AKAP6: variants seen among roughly 807,000 people sequenced by gnomAD.
AKAP6 encodes the protein A-kinase anchoring protein 6, also known as A-kinase anchor protein 6.
In AKAP6, 58 loss-of-function variants were observed where a neutral mutation model predicts 188.5. The ratio of observed to expected loss-of-function variants is 0.31; its 90% CI spans 0.25 to 0.38. The LOEUF (loss-of-function observed/expected upper bound fraction) is 0.38. Ranked by LOEUF, AKAP6 falls within the 10% of genes least tolerant of loss-of-function variation. The pLI is 1.00. For missense variants in AKAP6, 2,710 were observed against 2,740.0 expected (o/e 0.99, Z 0.24); for synonymous variants, 989 against 998.6 (o/e 0.99, Z 0.18).
chr14:32,829,620 A>T (rs993110180), intron 13 of AKAP6, among the ~76,000 whole-genome samples: 2 of 151,690 alleles, frequency 1.3e-5, no homozygotes, highest in African/African-American at 2.4e-5. Flanking sequence ...GTCTTTTTAA[A>T]AAAAAAAAAA....
Position 32,546,172 on chromosome 14 carries a change from C to T in AKAP6, c.1519C>T (p.Pro507Ser). 1.9e-6 allele frequency: 3 copies of T among 1,614,018 alleles called. No homozygotes were observed. Among genetic ancestry groups the T allele is most frequent in the Non-Finnish European group, 1.7e-6 (2 of 1,180,014 alleles). The change falls in exon 4 of 14, where the codon CCA (proline) becomes TCA (serine). Residue 507 changes from proline (P) to serine (S), a missense_variant. Coordinates refer to ENST00000280979, the MANE Select transcript of AKAP6 (RefSeq NM_004274.5). ...ACACAAGACCTCAGAAGAGGTGCCTCCATGCCGAACACCTAAACGGGGGAC... is the reference window on the plus strand; with the variant it reads ...ACACAAGACCTCAGAAGAGGTGCCTTCATGCCGAACACCTAAACGGGGGAC... ...KPHKTSEEVPPCRTPKRGTGS... is the reference protein window; with the variant it reads ...KPHKTSEEVPSCRTPKRGTGS...
Position 32,546,496 on chromosome 14 carries a change from A to C in AKAP6, c.1843A>C (p.Thr615Pro). 6.2e-7 allele frequency: 1 copy of C among 1,614,210 alleles called. No homozygotes were observed. The highest frequency in any genetic ancestry group is 8.5e-7 in the Non-Finnish European group (1 of 1,180,034). Residue 615 changes from threonine (T) to proline (P), a missense_variant, in exon 4 of 14, where the codon ACT becomes CCT. Physicochemically the swap from Thr to Pro is conservative, Grantham distance 38. Coordinates refer to ENST00000280979, the MANE Select transcript of AKAP6 (RefSeq NM_004274.5). ...KGQASSPSHV[T>P]RNGEVVEAWY... ...TCAAGCCTCCTCTCCAAGTCACGTC[A>C]CTAGGAATGGTGAGGTTGTGGAGGC...
At chr14:32,693,086 G>A (rs1176576572) in intron 8 of AKAP6, among the ~76,000 whole-genome samples, 1 of 152,106 alleles carries the variant, frequency 6.6e-6, no homozygotes, top group Non-Finnish European at 1.5e-5. Context: ...TTGTAATTCT[G>A]GGGTGCAGTG....
intron 1 of AKAP6, among the ~76,000 whole-genome samples, chr14:32,361,053 C>CACATATATATATATATATATATAT (rs1887644022): frequency 8.9e-6 from 1 of 111,878 alleles, no homozygotes; most frequent in Non-Finnish European, 1.8e-5. Flanking sequence ...AAGGCCTGAA[C>CACATATATATATATATATATATAT]ATACATATAT....
At chr14:32,536,002 C>A (rs1882657675) in intron 3 of AKAP6, among the ~76,000 whole-genome samples, 197 bp downstream of exon 3, 1 of 152,230 alleles carries the variant, frequency 6.6e-6, no homozygotes, top group Admixed American at 6.5e-5. Flanking sequence ...TAGCTCATAC[C>A]TGGTAATTTG....
At chr14:32,468,221 C>T (rs907980567) in intron 2 of AKAP6, among the ~76,000 whole-genome samples, 1 of 152,124 alleles carries the variant, frequency 6.6e-6, no homozygotes, top group African/African-American at 2.4e-5. Flanking sequence ...ACAGTAGGTA[C>T]TCTGTTAATA....
At chr14:32,483,673 G>A (rs558844856) in intron 2 of AKAP6, among the ~76,000 whole-genome samples, 11 of 151,964 alleles carry the variant, frequency 7.2e-5, no homozygotes, top group South Asian at 2.1e-4. Context: ...TAGTGGAGAC[G>A]GGGTTTCTCC....
chr14:32,449,289 C>G (rs1890854836), intron 2 of AKAP6, among the ~76,000 whole-genome samples: 1 of 152,116 alleles, frequency 6.6e-6, no homozygotes, highest in Non-Finnish European at 1.5e-5. Context: ...GAGTGTATTA[C>G]TTGAGATCAG....
intron 9 of AKAP6, among the ~76,000 whole-genome samples, chr14:32,723,218 C>A (rs2030648566): frequency 6.6e-6 from 1 of 152,200 alleles, no homozygotes; most frequent in Non-Finnish European, 1.5e-5. Context: ...TCTGTTGACT[C>A]ACATTGAACC....
At chr14:32,535,435 A>G (rs3742925) in intron 2 of AKAP6, 119 bp from the exon 3 acceptor site, 84,668 of 1,203,486 alleles carry the variant, frequency 0.07, 4,169 homozygotes, top group African/African-American at 0.22. Flanking sequence ...CAGGTATCCA[A>G]TGTGCTACTG....
chr14:32,357,559 G>A (rs991792438), intron 1 of AKAP6, among the ~76,000 whole-genome samples: 2 of 152,210 alleles, frequency 1.3e-5, no homozygotes, highest in Admixed American at 1.3e-4. Flanking sequence ...AGTCTTTACT[G>A]TGGACTGATG....
rs771208262 is a variant in AKAP6, at chr14:32,835,888, T to A, written c.*6083T>A. On this transcript the variant is annotated 3_prime_UTR_variant, in exon 14 of 14. Coordinates refer to ENST00000280979, the MANE Select transcript of AKAP6 (RefSeq NM_004274.5). ...TTCTATATAACAATGGCCCTTTAGT[T>A]TGAGAGTTGCCACATATTTGCATTT... is the stretch of plus-strand genomic sequence containing the variant. 9.2e-5 allele frequency: 14 copies of A among 152,226 alleles called. No homozygotes were observed. The highest frequency in any genetic ancestry group is 1.8e-4 in the Non-Finnish European group (12 of 68,040). The allele number at this position is 152,226 out of a possible 1,614,324, so 9.4% of individuals were successfully genotyped here.
At chr14:32,501,818 T>G (rs924793515) in intron 2 of AKAP6, among the ~76,000 whole-genome samples, 1 of 152,164 alleles carries the variant, frequency 6.6e-6, no homozygotes, top group Non-Finnish European at 1.5e-5. Flanking sequence ...ACTCTGTGCA[T>G]GTAGATGCAG....
chr14:32,357,271 C>A (rs1046436439), intron 1 of AKAP6, among the ~76,000 whole-genome samples: 1 of 152,064 alleles, frequency 6.6e-6, no homozygotes, highest in Non-Finnish European at 1.5e-5. Flanking sequence ...TACCATGTAA[C>A]GTAATTGGAC....
At chr14:32,533,659 A>G (rs376053708) in intron 2 of AKAP6, among the ~76,000 whole-genome samples, 90 of 152,286 alleles carry the variant, frequency 5.9e-4, no homozygotes, top group African/African-American at 2.0e-3. Flanking sequence ...TCCTAAGAGG[A>G]CAAAAGATAC....
chr14:32,421,753 T>G (rs1366138059), intron 1 of AKAP6, among the ~76,000 whole-genome samples: 2 of 152,178 alleles, frequency 1.3e-5, no homozygotes, highest in African/African-American at 2.4e-5. Context: ...GCCTGTTGAC[T>G]GAATGTCACT....
At chr14:32,739,921 C>G (rs752276405) in intron 11 of AKAP6, among the ~76,000 whole-genome samples, 10 of 151,982 alleles carry the variant, frequency 6.6e-5, no homozygotes, top group Non-Finnish European at 1.0e-4. Flanking sequence ...TATGGTAGCT[C>G]TATTTTTAGT....
In AKAP6 at chr14:32,566,756, C is replaced by G. The variant is rs1051491367; in HGVS notation, c.2347-10364C>G. ...TAGTACTTTGAAGTTTTACATTATT[C>G]TTAAAAACTCTAGTTCTGTACTTTT... On this transcript the variant is annotated intron_variant, in intron 4 of 13. Transcript: ENST00000280979. Among the ~76,000 whole-genome samples the G allele has an allele frequency of 2.6e-5, 4 of 152,098 alleles. No homozygotes were observed. The East Asian group carries it at 7.7e-4, about 29-fold the overall frequency.
chr14:32,416,944 G>T (rs1245426641), intron 1 of AKAP6, among the ~76,000 whole-genome samples: 1 of 152,174 alleles, frequency 6.6e-6, no homozygotes, highest in South Asian at 2.1e-4. Context: ...GGGTTCAACC[G>T]ACTCTCATGC....
Sources: allele counts gnomAD v4.1 joint callset (sites outside exome capture counted in the v4.1 genomes callset), GRCh38; gene constraint gnomAD v4.1.1; transcripts MANE v1.5; gene names NCBI Gene and HGNC (gene_info 2026-07-23, HGNC 2026-07-21).